Variants in SMG7 observed in about 807,000 individuals in gnomAD.
SMG7 encodes nonsense-mediated mRNA decay factor SMG7.
SMG7 carries 34 observed loss-of-function variants against 148.2 expected under a neutral mutation model. The observed-to-expected ratio is 0.23, with a 90% CI of 0.17 to 0.31. The LOEUF (loss-of-function observed/expected upper bound fraction) is 0.31. Ranked by LOEUF, SMG7 falls within the 10% of genes least tolerant of loss-of-function variation. The pLI, the probability that SMG7 is intolerant of heterozygous loss-of-function variation, is 1.00. For missense variants in SMG7, 1,114 were observed against 1,408.4 expected, an observed-to-expected ratio of 0.79 and a Z score of 3.35; for synonymous variants, 492 against 515.1, an observed-to-expected ratio of 0.96 and a Z score of 0.61.
Position 183,544,968 on chromosome 1 carries a change from G to C in SMG7, c.2026G>C (p.Ala676Pro). ...AACATATGTTATCCCCCCGCCTGTG[G>C]CATTTTCTATGGGCTCAGGTTACAC... ...PPTYVIPPPV[A>P]FSMGSGYTFP... is the part of the protein sequence containing the mutation. The change falls in exon 16 of 23, where the codon GCA becomes CCA. Residue 676 changes from alanine to proline, a missense_variant. Physicochemically the swap from Ala to Pro is conservative, Grantham distance 27 (BLOSUM62 -1). Around this residue, in one of 4 missense-constraint regions of SMG7, gnomAD observed 788 missense variants for 894.5 expected, o/e 0.88. Coordinates refer to ENST00000688051, the MANE Select transcript of SMG7 (RefSeq NM_001375584.1). The C allele has an allele frequency of 1.2e-6, 2 of 1,613,714 alleles. No individual in the cohort carries two copies. The highest frequency in any genetic ancestry group is 2.2e-5 in the South Asian group (2 of 91,052).
At position 183,553,332 on chromosome 1, in the gene SMG7, A is replaced by AG; in HGVS notation, c.*1401_*1402insG. 1 of 955,788 alleles carries AG rather than the reference A, an allele frequency of 1.0e-6. No individual in the cohort carries two copies. Among genetic ancestry groups the AG allele is most frequent in the Non-Finnish European group, 1.5e-6 (1 of 659,748 alleles). The allele number at this position is 955,788 out of a possible 1,614,324, so 59.2% of individuals were successfully genotyped here. A position where few individuals can be genotyped will look rare whatever the true frequency, so the allele number is the denominator to read the frequency against. Reference sequence around the variant, plus strand: ...TAAGGGGAAATTATGGAAACAATCTAATTGTTCAATTGCTGTGCTAGTGGT... The same window carrying AG: ...TAAGGGGAAATTATGGAAACAATCTAGATTGTTCAATTGCTGTGCTAGTGGT... On this transcript the variant is annotated 3_prime_UTR_variant, in exon 23 of 23. Coordinates refer to ENST00000688051, the MANE Select transcript of SMG7 (RefSeq NM_001375584.1).
chr1:183,543,599 G>T (rs1475531517), intron 14 of SMG7, among the ~76,000 whole-genome samples: 1 of 152,142 alleles, frequency 6.6e-6, no homozygotes, highest in Non-Finnish European at 1.5e-5. Context: ...ATAAGGTCCA[G>T]ACTGAAAATA....
chr1:183,535,161 G>A (rs1572038159), intron 10 of SMG7, among the ~76,000 whole-genome samples: 1 of 152,096 alleles, frequency 6.6e-6, no homozygotes, highest in Admixed American at 6.6e-5. Context: ...AAGAAGAACT[G>A]CATGTTTTAC....
intron 3 of SMG7, 30 bp from the exon 4 acceptor site, chr1:183,517,658 A>T (rs767673644): frequency 3.7e-6 from 6 of 1,613,072 alleles, no homozygotes; most frequent in Non-Finnish European, 5.1e-6. Flanking sequence ...AGTCACTGCT[A>T]TACCAAATAG....
At chr1:183,540,879 G>A in intron 12 of SMG7, 105 bp from the exon 13 acceptor site, 1 of 989,714 alleles carries the variant, frequency 1.0e-6, no homozygotes, top group East Asian at 2.6e-5. Flanking sequence ...GCTAACCTAT[G>A]TGGGAAGTAA....
At position 183,552,638 on chromosome 1, in the gene SMG7, CTG is replaced by C. The variant is rs1208666100; in HGVS notation, c.*709_*710del. On this transcript the variant is annotated 3_prime_UTR_variant, in exon 23 of 23. Coordinates refer to ENST00000688051, the MANE Select transcript of SMG7 (RefSeq NM_001375584.1). ...ACTCCAGCAGGGAATGCCCTTCACT[CTG>C]TAGGTGCTCGAGCCCCAATCGAGGA... 4.0e-5 allele frequency: 43 copies of C among 1,085,256 alleles called. No homozygotes were observed. Among genetic ancestry groups the C allele is most frequent in the Non-Finnish European group, 4.5e-5 (40 of 889,988 alleles). The allele number at this position is 1,085,256 out of a possible 1,614,324, so 67.2% of individuals were successfully genotyped here.
At chr1:183,505,901 G>A (rs1660785768) in intron 1 of SMG7, among the ~76,000 whole-genome samples, 1 of 152,098 alleles carries the variant, frequency 6.6e-6, no homozygotes, top group African/African-American at 2.4e-5. Context: ...TCTTATATCT[G>A]TAGTAATCTT....
chr1:183,501,370 AC>A (rs1311252942), intron 1 of SMG7: 1 of 152,150 alleles, frequency 6.6e-6, no homozygotes, highest in Non-Finnish European at 1.5e-5. Flanking sequence ...CTTGGTTTGA[AC>A]CTAGGCAGTT....
At chr1:183,533,020 C>A in intron 8 of SMG7, 144 bp from the exon 9 acceptor site, 1 of 622,088 alleles carries the variant, frequency 1.6e-6, no homozygotes, top group Non-Finnish European at 2.7e-6. Context: ...AGTCAAAATA[C>A]TGGGATTGAG....
chr1:183,484,187 C>A (rs995656432), intron 1 of SMG7, among the ~76,000 whole-genome samples: 84 of 152,076 alleles, frequency 5.5e-4, no homozygotes, highest in Non-Finnish European at 2.9e-5. Context: ...ATACCAAAAT[C>A]TGTAGGTGCT....
chr1:183,536,264 C>T (rs1667775865), intron 10 of SMG7, among the ~76,000 whole-genome samples: 1 of 152,092 alleles, frequency 6.6e-6, no homozygotes, highest in Non-Finnish European at 1.5e-5. Flanking sequence ...AAGCTAATTA[C>T]TTTAACCAAA....
chr1:183,473,242 G>T (rs2101978417), intron 1 of SMG7, among the ~76,000 whole-genome samples: 1 of 152,212 alleles, frequency 6.6e-6, no homozygotes, highest in South Asian at 2.1e-4. Flanking sequence ...GGCGTGAAGG[G>T]GAATAGATGG....
At chr1:183,482,957 T>C (rs1173477897) in intron 1 of SMG7, among the ~76,000 whole-genome samples, 3 of 152,126 alleles carry the variant, frequency 2.0e-5, no homozygotes, top group African/African-American at 2.4e-5. Context: ...GGGGGAAATA[T>C]CAGAAATCTT....
chr1:183,550,665 A>T (rs996040277), intron 20 of SMG7, 86 bp from the exon 21 acceptor site: 1 of 1,290,254 alleles, frequency 7.8e-7, no homozygotes, highest in Non-Finnish European at 1.1e-6. Context: ...GTAGAATTTT[A>T]GTGATCAGAT....
At chr1:183,502,347 C>G in intron 1 of SMG7, 1 of 1,533,858 alleles carries the variant, frequency 6.5e-7, no homozygotes, top group South Asian at 1.2e-5. Context: ...AGATGAGGAC[C>G]GAAAACTTGA....
At chr1:183,536,655 A>G (rs1017929405) in intron 10 of SMG7, among the ~76,000 whole-genome samples, 1 of 152,162 alleles carries the variant, frequency 6.6e-6, no homozygotes, top group African/African-American at 2.4e-5. Flanking sequence ...GCTTTTGTAA[A>G]AATGTGGACT....
In SMG7 at chr1:183,544,445, G is replaced by A; in HGVS notation, c.1935G>A (p.Gln645=). The A allele has an allele frequency of 6.2e-7, 1 of 1,613,918 alleles. No homozygotes were observed. Among genetic ancestry groups the A allele is most frequent in the Non-Finnish European group, 8.5e-7 (1 of 1,179,904 alleles). Residue 645 remains glutamine, a synonymous_variant, in exon 15 of 23, where the codon CAG becomes CAA. Transcript: ENST00000688051. ...CCCCAACTCAAGCAAGTAACTCCCA[G>A]TTCATCCCCATTCATCACCCTGGAG... ...TQTPTQASNS[Q]FIPIHHPGAF...
Position 183,542,594 on chromosome 1 carries a change from G to T in SMG7, c.1842+92G>T, listed in dbSNP as rs1045550204. 11 of 1,051,042 alleles carry T rather than the reference G, an allele frequency of 1.0e-5. No individual in the cohort carries two copies. The African/African-American group carries it at 1.8e-4, about 17-fold the overall frequency. 65.1% of individuals were successfully genotyped at this position (1,051,042 alleles called of 1,614,324 possible). A position where few individuals can be genotyped will look rare whatever the true frequency, so the allele number is the denominator to read the frequency against. On this transcript the variant is annotated intron_variant, in intron 14 of 22. Transcript: ENST00000688051. Reference sequence around the variant, plus strand: ...TGTTCTAAAGCCATGAGAATTGGCCGTCCTGGAAGTTTAAATGCATTATTT... The same window carrying T: ...TGTTCTAAAGCCATGAGAATTGGCCTTCCTGGAAGTTTAAATGCATTATTT...
chr1:183,478,452 G>T (rs1186772988), intron 1 of SMG7, among the ~76,000 whole-genome samples: 2 of 152,032 alleles, frequency 1.3e-5, no homozygotes, highest in Non-Finnish European at 2.9e-5. Context: ...AATTATTTTG[G>T]CAGTTAATTT....
Sources: allele counts gnomAD v4.1 joint callset (sites outside exome capture counted in the v4.1 genomes callset), GRCh38; gene constraint gnomAD v4.1.1; regional missense constraint gnomAD v4.1.1; transcripts MANE v1.5; gene names NCBI Gene and HGNC (gene_info 2026-07-23, HGNC 2026-07-21).